The following WASF2 variants were observed in gnomAD, a reference collection of about 807,000 sequenced individuals.
WASF2 encodes the protein WASP family member 2.
In WASF2, 14 loss-of-function variants were observed where a neutral mutation model predicts 45.0. The observed-to-expected ratio is 0.31, with a 90% CI of 0.21 to 0.49. The LOEUF (loss-of-function observed/expected upper bound fraction) is 0.49. WASF2 is among the 20% of genes least tolerant of loss of function. WASF2 has a pLI of 0.99. For missense variants in WASF2, 439 were observed against 636.1 expected (o/e 0.69, Z 3.33); for synonymous variants, 200 against 236.3 (o/e 0.85, Z 1.41).
intron 1 of WASF2, among the ~76,000 whole-genome samples, chr1:27,479,941 A>G (rs1354051090): frequency 2.0e-5 from 3 of 152,238 alleles, no homozygotes; most frequent in African/African-American, 4.8e-5. Context: ...TATACAACAA[A>G]GTGGAGCACT....
At chr1:27,470,988 G>C (rs1185176320) in intron 1 of WASF2, among the ~76,000 whole-genome samples, 1 of 152,166 alleles carries the variant, frequency 6.6e-6, no homozygotes, top group Non-Finnish European at 1.5e-5. Context: ...TCTGGTACTG[G>C]AGCTGAGAGG....
chr1:27,445,862 C>A (rs1217422672), intron 1 of WASF2, among the ~76,000 whole-genome samples: 2 of 150,212 alleles, frequency 1.3e-5, no homozygotes, highest in Non-Finnish European at 3.0e-5. Context: ...TTTTAAAGCA[C>A]CTAATCTTCC....
chr1:27,408,473 T>A, intron 8 of WASF2, 127 bp from the exon 9 acceptor site: 1 of 1,304,780 alleles, frequency 7.7e-7, no homozygotes, highest in African/African-American at 1.5e-5. Context: ...AAAAGAAGGT[T>A]GTTATGGAAA....
At chr1:27,463,639 A>AC (rs1557616280) in intron 1 of WASF2, among the ~76,000 whole-genome samples, 2 of 150,498 alleles carry the variant, frequency 1.3e-5, no homozygotes, top group Non-Finnish European at 3.0e-5. Flanking sequence ...AAAAAAAAAA[A>AC]AAAAAACTAT....
intron 1 of WASF2, among the ~76,000 whole-genome samples, chr1:27,462,541 A>C (rs2017559893): frequency 6.6e-6 from 1 of 152,150 alleles, no homozygotes; most frequent in African/African-American, 2.4e-5. Context: ...CCTGGGCTCA[A>C]GCGATCCTCC....
chr1:27,489,563 A>G (rs1372779898), intron 1 of WASF2, among the ~76,000 whole-genome samples: 1 of 152,146 alleles, frequency 6.6e-6, no homozygotes, highest in East Asian at 1.9e-4. Flanking sequence ...ACTGAGGCTC[A>G]GCCTGGGGAA....
At chr1:27,478,659 T>C (rs887615598) in intron 1 of WASF2, among the ~76,000 whole-genome samples, 2 of 152,132 alleles carry the variant, frequency 1.3e-5, no homozygotes, top group Non-Finnish European at 2.9e-5. Context: ...CTCGGCTCAC[T>C]GCAAACTCCG....
chr1:27,430,033 G>A (rs1434960361), intron 1 of WASF2, among the ~76,000 whole-genome samples: 5 of 152,210 alleles, frequency 3.3e-5, no homozygotes, highest in Admixed American at 1.3e-4. Flanking sequence ...GAGCAGATCC[G>A]GAAACCTTCC....
intron 6 of WASF2, 63 bp from the exon 7 acceptor site, chr1:27,412,790 A>G: frequency 1.3e-6 from 2 of 1,586,682 alleles, no homozygotes; most frequent in Middle Eastern, 1.7e-4. Flanking sequence ...TTTTCTTCTT[A>G]AAAGGTACTA....
At chr1:27,434,771 G>A (rs1332807631) in intron 1 of WASF2, among the ~76,000 whole-genome samples, 1 of 152,152 alleles carries the variant, frequency 6.6e-6, no homozygotes, top group East Asian at 1.9e-4. Context: ...AGGGACTTGA[G>A]AATGAGTCTG....
intron 1 of WASF2, among the ~76,000 whole-genome samples, chr1:27,479,802 C>T (rs1447624860): frequency 6.6e-6 from 1 of 152,100 alleles, no homozygotes; most frequent in East Asian, 1.9e-4. Context: ...GAGGCAGAAG[C>T]TGCAGTGAGC....
chr1:27,445,114 C>A (rs549421559), intron 1 of WASF2, among the ~76,000 whole-genome samples: 5 of 152,340 alleles, frequency 3.3e-5, no homozygotes, highest in South Asian at 4.1e-4. Context: ...CAGCAACTAT[C>A]TGGAGACAAA....
At chr1:27,482,134 C>G (rs1229352499) in intron 1 of WASF2, among the ~76,000 whole-genome samples, 2 of 152,124 alleles carry the variant, frequency 1.3e-5, no homozygotes. Flanking sequence ...TCAAACAGAA[C>G]AGGAAAAAAC....
At chr1:27,426,256 A>C (rs1329327313) in intron 2 of WASF2, among the ~76,000 whole-genome samples, 1 of 152,202 alleles carries the variant, frequency 6.6e-6, no homozygotes, top group Non-Finnish European at 1.5e-5. Flanking sequence ...GAATCATAAA[A>C]AGTAAAAAGT....
At chr1:27,415,044 C>T (rs1382678812) in intron 5 of WASF2, 81 bp from the exon 6 acceptor site, 11 of 1,516,154 alleles carry the variant, frequency 7.3e-6, no homozygotes, top group Admixed American at 3.5e-5. Flanking sequence ...TTCATGGATG[C>T]GTATCTAAGA....
At chr1:27,430,973 G>A (rs181346519) in intron 1 of WASF2, among the ~76,000 whole-genome samples, 1 of 152,108 alleles carries the variant, frequency 6.6e-6, no homozygotes, top group African/African-American at 2.4e-5. Flanking sequence ...AGGCTCAAAG[G>A]GGGAGTAGAA....
rs1557612303 is a variant in WASF2 at position 27,454,171 on chromosome 1, ATATATATATATATATATTTTTTT to A, written c.-43-25261_-43-25239del. Reference sequence around the variant, plus strand: ...TGTGTGTGTATATATATATATATATATATATATATATATATATTTTTTTTTTTTTTTTTTTTTTAAAGATACAG... The same window carrying A: ...TGTGTGTGTATATATATATATATATATTTTTTTTTTTTTTTAAAGATACAG... On this transcript the variant is annotated intron_variant, in intron 1 of 8. Coordinates refer to ENST00000618852, the MANE Select transcript of WASF2 (RefSeq NM_006990.5). Among the ~76,000 whole-genome samples the A allele has an allele frequency of 6.8e-4, 26 of 38,148 alleles. 1 individual carries two copies. The highest frequency in any genetic ancestry group is 0.029 in the Middle Eastern group (2 of 70). The allele number at this position is 38,148 out of a possible 152,430, so 25.0% of individuals were successfully genotyped here. A position where few individuals can be genotyped will look rare whatever the true frequency, so the allele number is the denominator to read the frequency against.
At chr1:27,488,794 G>A (rs2017981995) in intron 1 of WASF2, among the ~76,000 whole-genome samples, 1 of 152,168 alleles carries the variant, frequency 6.6e-6, no homozygotes. Flanking sequence ...AGTGGGCAGT[G>A]ACTTCCCCCT....
chr1:27,420,626 A>C (rs2016893802), intron 2 of WASF2, among the ~76,000 whole-genome samples: 1 of 140,988 alleles, frequency 7.1e-6, no homozygotes, highest in Non-Finnish European at 1.5e-5. Flanking sequence ...CGTTCAAGTG[A>C]TTCTCCTGCC....
Sources: allele counts gnomAD v4.1 joint callset (sites outside exome capture counted in the v4.1 genomes callset), GRCh38; gene constraint gnomAD v4.1.1; transcripts MANE v1.5; gene names NCBI Gene and HGNC (gene_info 2026-07-23, HGNC 2026-07-21).